Variants in DLGAP2 observed in about 807,000 individuals in gnomAD.
DLGAP2 encodes the protein disks large-associated protein 2.
Under a neutral mutation model 100.3 loss-of-function variants are expected in DLGAP2, and 26 were observed. The observed-to-expected ratio is 0.26, with a 90% CI of 0.19 to 0.36. The LOEUF (loss-of-function observed/expected upper bound fraction) is 0.36, where lower values mean the gene tolerates loss of function less well. DLGAP2 is among the 10% of genes least tolerant of loss of function. DLGAP2 has a pLI of 1.00. For missense variants in DLGAP2, 1,858 were observed against 1,453.2 expected, an observed-to-expected ratio of 1.28 and a Z score of -4.53; for synonymous variants, 886 against 630.1, an observed-to-expected ratio of 1.41 and a Z score of -6.08.
At chr8:1,464,299 T>C (rs151232425) in intron 3 of DLGAP2, among the ~76,000 whole-genome samples, 294 of 25,596 alleles carry the variant, frequency 0.011, 74 homozygotes, top group East Asian at 0.1. Context: ...CCTTCCAGGA[T>C]GGCACCCTTC....
At chr8:901,636 A>G (rs930480179) in intron 1 of DLGAP2, among the ~76,000 whole-genome samples, 2 of 152,160 alleles carry the variant, frequency 1.3e-5, no homozygotes, top group African/African-American at 4.8e-5. Flanking sequence ...CATGTGGAGT[A>G]AAGTTGTGCA....
intron 8 of DLGAP2, among the ~76,000 whole-genome samples, chr8:1,651,613 C>G (rs1359025211): frequency 6.6e-6 from 1 of 152,196 alleles, no homozygotes; most frequent in Non-Finnish European, 1.5e-5. Context: ...TCCTGCCGGG[C>G]TCCTGCCTGG....
intron 1 of DLGAP2, among the ~76,000 whole-genome samples, chr8:798,002 G>A (rs529337233): frequency 5.3e-5 from 8 of 152,090 alleles, no homozygotes; most frequent in African/African-American, 9.6e-5. Context: ...CGCCCACCTC[G>A]GCCTCCCAAA....
intron 7 of DLGAP2, 105 bp downstream of exon 7, chr8:1,626,992 CA>C: frequency 7.1e-7 from 1 of 1,399,984 alleles, no homozygotes; most frequent in Non-Finnish European, 9.6e-7. Flanking sequence ...TCCTGGTCAG[CA>C]GCACTTGGGC....
chr8:922,594 G>C (rs1798737941), intron 2 of DLGAP2, among the ~76,000 whole-genome samples: 1 of 152,184 alleles, frequency 6.6e-6, no homozygotes, highest in Non-Finnish European at 1.5e-5. Context: ...GGTTTTGTGG[G>C]AGTGTGCATT....
intron 1 of DLGAP2, among the ~76,000 whole-genome samples, chr8:885,083 T>C (rs1301317473): frequency 6.6e-6 from 1 of 152,186 alleles, no homozygotes; most frequent in Non-Finnish European, 1.5e-5. Flanking sequence ...CCAGCTTTCT[T>C]CTTTTTGCTT....
intron 3 of DLGAP2, among the ~76,000 whole-genome samples, chr8:1,322,795 C>G (rs928263412): frequency 1.3e-5 from 2 of 152,228 alleles, no homozygotes; most frequent in African/African-American, 2.4e-5. Flanking sequence ...AGGGCCTTCT[C>G]TGATAAGCCG....
rs552846521 is a variant in DLGAP2 at position 1,383,070 on chromosome 8, A to T, written c.107-118296A>T. 3.3e-5 allele frequency among the ~76,000 whole-genome samples: 5 copies of T among 152,376 alleles called. No homozygotes were observed. In the East Asian group the frequency reaches 9.6e-4, roughly 29 times the overall value. On this transcript the variant is annotated intron_variant, in intron 3 of 14. Coordinates refer to ENST00000637795, the MANE Select transcript of DLGAP2 (RefSeq NM_001346810.2). Reference sequence around the variant, plus strand: ...AGGATCTTTGGACGTAAGTATTCTCAGGTGGATGTGCATCGCCACGTGGGC... The same window carrying T: ...AGGATCTTTGGACGTAAGTATTCTCTGGTGGATGTGCATCGCCACGTGGGC...
chr8:1,156,638 C>CACCTCA (rs1214324965), intron 2 of DLGAP2, among the ~76,000 whole-genome samples: 8 of 147,630 alleles, frequency 5.4e-5, no homozygotes, highest in African/African-American at 1.8e-4. Flanking sequence ...CCCAGCGCCC[C>CACCTCA]GGCTCAGCGC....
At chr8:1,363,257 C>T (rs184595146) in intron 3 of DLGAP2, among the ~76,000 whole-genome samples, 15 of 152,322 alleles carry the variant, frequency 9.8e-5, no homozygotes, top group Non-Finnish European at 1.6e-4. Context: ...ATCCCGAAAG[C>T]GCCCCCACGC....
intron 8 of DLGAP2, among the ~76,000 whole-genome samples, chr8:1,666,828 ACTC>A (rs1798555673): frequency 6.6e-6 from 1 of 152,144 alleles, no homozygotes; most frequent in African/African-American, 2.4e-5. Flanking sequence ...AGGAAAATCC[ACTC>A]ATGGGTTAAA....
intron 2 of DLGAP2, among the ~76,000 whole-genome samples, chr8:1,166,798 C>G (rs1018958380): frequency 1.3e-5 from 2 of 152,054 alleles, no homozygotes; most frequent in African/African-American, 2.4e-5. Context: ...TAACAATGGT[C>G]TCTGGTAAAT....
intron 2 of DLGAP2, among the ~76,000 whole-genome samples, chr8:1,209,444 C>T (rs541048249): frequency 6.6e-6 from 1 of 152,288 alleles, no homozygotes; most frequent in African/African-American, 2.4e-5. Context: ...TATATCATTG[C>T]ATATGTAGTC....
intron 3 of DLGAP2, among the ~76,000 whole-genome samples, chr8:1,416,744 C>G (rs543423306): frequency 6.6e-6 from 1 of 152,128 alleles, no homozygotes; most frequent in Non-Finnish European, 1.5e-5. Context: ...GAAAAGGAAT[C>G]GGACGTGTTG....
At chr8:1,407,924 G>A (rs1485893747) in intron 3 of DLGAP2, among the ~76,000 whole-genome samples, 1 of 152,152 alleles carries the variant, frequency 6.6e-6, no homozygotes, top group East Asian at 1.9e-4. Context: ...AGTACCGCAG[G>A]GTCCACCTCA....
At chr8:878,698 A>C (rs369899920) in intron 1 of DLGAP2, among the ~76,000 whole-genome samples, 1 of 152,032 alleles carries the variant, frequency 6.6e-6, no homozygotes, top group Admixed American at 6.5e-5. Context: ...CTCAGGAGTG[A>C]GTTCTCCTGG....
intron 2 of DLGAP2, among the ~76,000 whole-genome samples, chr8:1,062,740 G>A (rs918814887): frequency 2.0e-5 from 3 of 152,118 alleles, no homozygotes; most frequent in African/African-American, 7.2e-5. Flanking sequence ...GGTAGTTGGG[G>A]GGAGACTAGT....
intron 2 of DLGAP2, among the ~76,000 whole-genome samples, chr8:951,333 C>T (rs1799474355): frequency 6.6e-6 from 1 of 151,492 alleles, no homozygotes; most frequent in South Asian, 2.1e-4. Context: ...GCAAACTCTG[C>T]CTCCCAGTTC....
intron 2 of DLGAP2, among the ~76,000 whole-genome samples, chr8:1,131,735 T>C (rs1796300221): frequency 6.6e-6 from 1 of 152,072 alleles, no homozygotes. Flanking sequence ...TCTGGTAAGA[T>C]ATGCTGTGTT....
Sources: allele counts gnomAD v4.1 joint callset (sites outside exome capture counted in the v4.1 genomes callset), GRCh38; gene constraint gnomAD v4.1.1; transcripts MANE v1.5; gene names NCBI Gene and HGNC (gene_info 2026-07-23, HGNC 2026-07-21).